LIG1: variants seen among roughly 807,000 people sequenced by gnomAD.
LIG1 encodes DNA ligase 1, also known as ligase I, DNA, ATP-dependent.
A neutral mutation model predicts 115.7 loss-of-function variants in LIG1; 70 were observed. That is an observed-to-expected ratio of 0.60 (90% CI 0.50 to 0.74). LIG1 has a LOEUF of 0.74. Ranked by LOEUF, LIG1 falls within the 30% of genes least tolerant of loss-of-function variation. The pLI, the probability that LIG1 is intolerant of heterozygous loss-of-function variation, is 0.00. For synonymous variants in LIG1, 487 were observed against 495.3 expected, an observed-to-expected ratio of 0.98 and a Z score of 0.22; for missense variants, 1,115 against 1,225.6, an observed-to-expected ratio of 0.91 and a Z score of 1.35.
intron 1 of LIG1, among the ~76,000 whole-genome samples, chr19:48,166,691 C>T (rs917075585): frequency 1.3e-5 from 2 of 152,012 alleles, no homozygotes; most frequent in African/African-American, 4.8e-5. Context: ...GGTTCCTAGG[C>T]CGGGCGTGGT....
rs2034003694 is a variant in LIG1 at position 48,131,228 on chromosome 19, C to T, written c.1726-57G>A. 3.0e-6 allele frequency: 4 copies of T among 1,325,210 alleles called. No individual in the cohort carries two copies. In the Admixed American group the frequency reaches 5.1e-5, roughly 17 times the overall value. The allele number at this position is 1,325,210 out of a possible 1,614,324, so 82.1% of individuals were successfully genotyped here. A position where few individuals can be genotyped will look rare whatever the true frequency, so the allele number is the denominator to read the frequency against. On this transcript the variant is annotated intron_variant, in intron 18 of 27. Transcript: ENST00000263274. ...GCTGAGTCCCCTCATGTGGCCTCAG[C>T]TTTCTCTTCTGACCCCACCTGCACT... is the stretch of plus-strand genomic sequence containing the variant.
chr19:48,151,494 A>G (rs1047230528), intron 6 of LIG1, 155 bp from the exon 7 acceptor site: 2 of 591,392 alleles, frequency 3.4e-6, no homozygotes, highest in African/African-American at 3.7e-5. Flanking sequence ...CAATGGTGTG[A>G]TCTTGGCTCA....
At chr19:48,141,010 C>A (rs989964319) in intron 11 of LIG1, among the ~76,000 whole-genome samples, 1 of 152,206 alleles carries the variant, frequency 6.6e-6, no homozygotes, top group African/African-American at 2.4e-5. Flanking sequence ...CAAGGTGAAC[C>A]CACCGGACGG....
At position 48,134,083 on chromosome 19, in the gene LIG1, G is replaced by C. The variant is rs1275214338; in HGVS notation, c.1524-17C>G. ...GGAACCTCGCTGGGGTGGCGGGTGA[G>C]AACAAGATAGGGGAAGCCTTTCTAG... On this transcript the variant is annotated splice_polypyrimidine_tract_variant and intron_variant, in intron 16 of 27. Transcript: ENST00000263274. 2 of 1,550,010 alleles carry C rather than the reference G, an allele frequency of 1.3e-6. No homozygotes were observed. The highest frequency in any genetic ancestry group is 1.2e-5 in the South Asian group (1 of 84,106).
intron 11 of LIG1, 90 bp downstream of exon 11, chr19:48,143,453 G>A (rs1037886636): frequency 5.1e-6 from 6 of 1,184,750 alleles, no homozygotes; most frequent in African/African-American, 3.0e-5. Context: ...AGTTGACAGG[G>A]TTTGGCGGAA....
Position 48,121,212 on chromosome 19 carries a change from G to A in LIG1, c.2343C>T (p.Ala781=), listed in dbSNP as rs201469086. Residue 781 remains alanine, a synonymous_variant, in exon 24 of 28, where the codon GCC becomes GCT. Coordinates refer to ENST00000263274, the MANE Select transcript of LIG1 (RefSeq NM_000234.3). ...GCTCCTCACTGTCCTCGTCGTAGGA[G>A]GCCAGCAGGAAGCCCCCGTACCGGC... ...RAGRYGGFLL[A]SYDEDSEELQ... is the part of the protein sequence containing the mutation. 352 of 1,614,088 alleles carry A rather than the reference G, an allele frequency of 2.2e-4. No homozygotes were observed. The Admixed American group carries it at 5.8e-3, about 27-fold the overall frequency.
chr19:48,139,896 C>G, intron 12 of LIG1, 75 bp downstream of exon 12: 1 of 1,531,502 alleles, frequency 6.5e-7, no homozygotes, highest in Non-Finnish European at 9.0e-7. Flanking sequence ...ACCATCTCTC[C>G]GATCCACCTG....
intron 24 of LIG1, 111 bp downstream of exon 24, chr19:48,121,059 T>C: frequency 1.3e-6 from 2 of 1,589,560 alleles, no homozygotes; most frequent in South Asian, 1.1e-5. Context: ...GAACGGATCC[T>C]TCACAGGGGG....
intron 21 of LIG1, among the ~76,000 whole-genome samples, chr19:48,126,158 C>T (rs2122451600): frequency 6.6e-6 from 1 of 152,242 alleles, no homozygotes; most frequent in South Asian, 2.1e-4. Flanking sequence ...GATCAAGAAA[C>T]TGACACACAG....
chr19:48,135,935 G>T (rs1158356359), intron 15 of LIG1, 99 bp downstream of exon 15: 3 of 1,060,486 alleles, frequency 2.8e-6, no homozygotes, highest in African/African-American at 3.1e-5. Flanking sequence ...GTATGGCAGG[G>T]GCCCGCTGGG....
chr19:48,133,112 G>C lies in LIG1; in HGVS notation c.1610-15C>G. ...CAGGGGAATCCCTGGGAAAGGAGGA[G>C]AGTGAGTTAGAGGAGAGGGAAGGCA... On this transcript the variant is annotated splice_polypyrimidine_tract_variant and intron_variant, in intron 17 of 27. Coordinates refer to ENST00000263274, the MANE Select transcript of LIG1 (RefSeq NM_000234.3). The C allele has an allele frequency of 6.6e-7, 1 of 1,518,136 alleles. No homozygotes were observed. Among genetic ancestry groups the C allele is most frequent in the Admixed American group, 1.7e-5 (1 of 59,912 alleles). 94.0% of individuals were successfully genotyped at this position (1,518,136 alleles called of 1,614,324 possible).
In LIG1 at chr19:48,161,531, G is replaced by A. The variant is rs374194004; in HGVS notation, c.108-24C>T. On this transcript the variant is annotated intron_variant, in intron 3 of 27. Coordinates refer to ENST00000263274, the MANE Select transcript of LIG1 (RefSeq NM_000234.3). ...CCCTGGAAGGTGGGGAAATGGGGGT[G>A]TAAAGGGGCGACTACAGCAGGCAGA... 4.3e-6 allele frequency: 7 copies of A among 1,613,546 alleles called. No homozygotes were observed. The African/African-American group carries it at 8.0e-5, about 18-fold the overall frequency.
chr19:48,169,514 C>T (rs1411327488), intron 1 of LIG1: 2 of 152,386 alleles, frequency 1.3e-5, no homozygotes, highest in African/African-American at 4.8e-5. Context: ...AGCTCCATCC[C>T]TTTATCAAGC....
rs571153435 is a variant in LIG1, at chr19:48,128,104, T to G, written c.1822-84A>C. The G allele has an allele frequency of 2.6e-5, 28 of 1,078,918 alleles. No individual in the cohort carries two copies. In the East Asian group the frequency reaches 5.7e-4, roughly 22 times the overall value. The allele number at this position is 1,078,918 out of a possible 1,614,324, so 66.8% of individuals were successfully genotyped here. A position where few individuals can be genotyped will look rare whatever the true frequency, so the allele number is the denominator to read the frequency against. On this transcript the variant is annotated intron_variant, in intron 19 of 27. Coordinates refer to ENST00000263274, the MANE Select transcript of LIG1 (RefSeq NM_000234.3). Reference sequence around the variant, plus strand: ...CAAACACGGGGAGATAAATTCCCTTTTCCTTCTGCAGCTCTCAAGATGCAC... The same window carrying G: ...CAAACACGGGGAGATAAATTCCCTTGTCCTTCTGCAGCTCTCAAGATGCAC...
chr19:48,117,931 C>A (rs2032980033), intron 25 of LIG1, 150 bp from the exon 26 acceptor site: 5 of 760,914 alleles, frequency 6.6e-6, no homozygotes, highest in African/African-American at 1.7e-5. Context: ...GGAAAAGAAA[C>A]AAGACACCCC....
intron 20 of LIG1, chr19:48,127,555 ATT>A (rs891695450): frequency 1.1e-4 from 71 of 619,692 alleles, no homozygotes; most frequent in Non-Finnish European, 3.5e-5. Flanking sequence ...TTCACCAGAT[ATT>A]TGCTCTCCTA....
At chr19:48,139,315 C>T (rs763237477) in intron 12 of LIG1, among the ~76,000 whole-genome samples, 7 of 152,228 alleles carry the variant, frequency 4.6e-5, no homozygotes, top group Non-Finnish European at 1.0e-4. Context: ...TCCATCCAGT[C>T]ACCCAGGGAG....
chr19:48,119,336 G>C, intron 24 of LIG1, 146 bp from the exon 25 acceptor site: 1 of 716,988 alleles, frequency 1.4e-6, no homozygotes, highest in Non-Finnish European at 2.5e-6. Context: ...TAGGGAGCTG[G>C]GGGTGCGGAG....
At chr19:48,136,889 T>A (rs527828089) in intron 14 of LIG1, 119 bp downstream of exon 14, 3 of 840,114 alleles carry the variant, frequency 3.6e-6, no homozygotes, top group African/African-American at 3.4e-5. Flanking sequence ...CTCCTGCTCA[T>A]GCTTTTCTCA....
Sources: gnomAD v4.1 joint callset for allele counts (sites outside exome capture counted in the v4.1 genomes callset) on GRCh38, gnomAD v4.1.1 for gene constraint, MANE v1.5 for transcripts, NCBI Gene and HGNC (gene_info 2026-07-23, HGNC 2026-07-21) for gene names.